LAMA2: variants seen among roughly 807,000 people sequenced by gnomAD.
The protein encoded by LAMA2 is laminin subunit alpha 2.
Under a neutral mutation model 364.8 loss-of-function variants are expected in LAMA2, and 269 were observed. The observed-to-expected ratio is 0.74, with a 90% confidence interval of 0.67 to 0.82. LAMA2 has a LOEUF of 0.82. Among genes scored for constraint, LAMA2 ranks in the 40% least tolerant of loss-of-function variants. The probability of loss-of-function intolerance (pLI) is 0.00; values close to 1 mark genes in which losing one functional copy is unlikely to be tolerated. For missense variants in LAMA2, 3,807 were observed against 3,873.2 expected (o/e 0.98, Z 0.45); for synonymous variants, 1,379 against 1,370.6 (o/e 1.01, Z -0.14).
intron 60 of LAMA2, among the ~76,000 whole-genome samples, chr6:129,503,626 C>A (rs998919600): frequency 1.3e-5 from 2 of 152,142 alleles, no homozygotes; most frequent in African/African-American, 2.4e-5. Context: ...TCGATGTATT[C>A]AATTTTAAGG....
intron 1 of LAMA2, among the ~76,000 whole-genome samples, chr6:128,957,805 A>G (rs2114584610): frequency 8.0e-6 from 1 of 124,826 alleles, no homozygotes; most frequent in African/African-American, 3.0e-5. Context: ...TATAGTTTGG[A>G]GTATTCTTCC....
At position 129,516,514 on chromosome 6, in the gene LAMA2, C is replaced by A; in HGVS notation, c.*167C>A. The A allele has an allele frequency of 1.5e-6, 1 of 667,594 alleles. No homozygotes were observed. The highest frequency in any genetic ancestry group is 1.7e-5 in the South Asian group (1 of 57,264). 41.4% of individuals were successfully genotyped at this position (667,594 alleles called of 1,614,324 possible). A position where few individuals can be genotyped will look rare whatever the true frequency, so the allele number is the denominator to read the frequency against. On this transcript the variant is annotated 3_prime_UTR_variant, in exon 65 of 65. Transcript: ENST00000421865. The stretch of plus-strand genomic sequence containing the variant: ...TCAGACTCCAGACTGAATTTTAATT[C>A]AAGTTCTTTCTCAAGTCTATAAATA...
intron 32 of LAMA2, among the ~76,000 whole-genome samples, chr6:129,356,354 C>T (rs1777152508): frequency 6.6e-6 from 1 of 151,980 alleles, no homozygotes; most frequent in Non-Finnish European, 1.5e-5. Context: ...CTCTAAAGTC[C>T]CTTTTACCAC....
chr6:128,979,266 C>G (rs182899745), intron 1 of LAMA2, among the ~76,000 whole-genome samples: 1 of 152,318 alleles, frequency 6.6e-6, no homozygotes, highest in Admixed American at 6.5e-5. Flanking sequence ...GGCATATCTC[C>G]TGATCAGATA....
At chr6:128,960,726 C>T (rs1781434455) in intron 1 of LAMA2, among the ~76,000 whole-genome samples, 1 of 151,920 alleles carries the variant, frequency 6.6e-6, no homozygotes, top group African/African-American at 2.4e-5. Flanking sequence ...ACCTCCTCAC[C>T]TTTATCTTAC....
chr6:128,920,394 A>G (rs996400536), intron 1 of LAMA2, among the ~76,000 whole-genome samples: 1 of 151,684 alleles, frequency 6.6e-6, no homozygotes, highest in African/African-American at 2.4e-5. Flanking sequence ...TCGACCTCGC[A>G]ATTCGCCCGC....
intron 29 of LAMA2, among the ~76,000 whole-genome samples, chr6:129,328,964 T>TACCCATTTCCC (rs1775463769): frequency 1.3e-5 from 2 of 152,230 alleles, no homozygotes; most frequent in South Asian, 4.1e-4. Flanking sequence ...TCCCATAATT[T>TACCCATTTCCC]ACCCATTTCC....
chr6:129,344,982 T>C (rs972338626), intron 30 of LAMA2, among the ~76,000 whole-genome samples: 25 of 152,190 alleles, frequency 1.6e-4, no homozygotes, highest in African/African-American at 5.5e-4. Context: ...TCTCCCTAAT[T>C]TGGGATATGG....
At chr6:129,333,973 T>G (rs903307876) in intron 29 of LAMA2, among the ~76,000 whole-genome samples, 2 of 152,138 alleles carry the variant, frequency 1.3e-5, no homozygotes, top group African/African-American at 4.8e-5. Context: ...AATAAATACT[T>G]CCATTAAACA....
chr6:129,455,779 T>A (rs1224183763), intron 47 of LAMA2, among the ~76,000 whole-genome samples: 3 of 152,190 alleles, frequency 2.0e-5, no homozygotes, highest in African/African-American at 7.2e-5. Flanking sequence ...ATTAGTATGC[T>A]GTGCCAAACA....
At chr6:129,107,756 G>A (rs1775916742) in intron 4 of LAMA2, among the ~76,000 whole-genome samples, 2 of 152,074 alleles carry the variant, frequency 1.3e-5, no homozygotes, top group South Asian at 4.1e-4. Flanking sequence ...ATTACAGAGA[G>A]GTCAAATAAC....
At chr6:129,346,684 T>A (rs773062902) in intron 30 of LAMA2, among the ~76,000 whole-genome samples, 2 of 152,180 alleles carry the variant, frequency 1.3e-5, no homozygotes, top group African/African-American at 2.4e-5. Flanking sequence ...CTCTTCGTAC[T>A]GGGAATATAT....
intron 34 of LAMA2, among the ~76,000 whole-genome samples, chr6:129,379,129 C>A (rs1778536202): frequency 5.9e-5 from 9 of 152,064 alleles, no homozygotes; most frequent in Admixed American, 5.9e-4. Context: ...TACTGTATGT[C>A]CCACTTATAA....
In LAMA2 at chr6:129,445,715, G is replaced by A. The variant is rs750999777; in HGVS notation, c.6323G>A (p.Arg2108Gln). 4.0e-5 allele frequency: 64 copies of A among 1,613,700 alleles called. 1 individual carries two copies. The highest frequency in any genetic ancestry group is 6.7e-5 in the East Asian group (3 of 44,856). The change falls in exon 45 of 65, where the codon CGG (arginine) becomes CAG (glutamine). Residue 2108 changes from arginine (R) to glutamine (Q), a missense_variant. Around this residue, in one of 3 missense-constraint regions of LAMA2, gnomAD observed 3,333 missense variants for 3,345.7 expected, o/e 1.00. Transcript: ENST00000421865. Reference sequence around the variant, plus strand: ...AAAAATTTAGAACAGGAAGCTGACCGGCTAATAGATAAACTCAAACCCATC... The same window carrying A: ...AAAAATTTAGAACAGGAAGCTGACCAGCTAATAGATAAACTCAAACCCATC... Reference protein sequence around the residue: ...TVKNLEQEADRLIDKLKPIKE... With the variant: ...TVKNLEQEADQLIDKLKPIKE...
At chr6:129,172,821 G>A (rs920550429) in intron 9 of LAMA2, among the ~76,000 whole-genome samples, 4 of 152,218 alleles carry the variant, frequency 2.6e-5, no homozygotes, top group East Asian at 1.9e-4. Context: ...AGCAATCAGC[G>A]AGACTCCATG....
At chr6:129,395,227 GAATAAT>G (rs1325706131) in intron 37 of LAMA2, among the ~76,000 whole-genome samples, 2 of 152,076 alleles carry the variant, frequency 1.3e-5, no homozygotes, top group Non-Finnish European at 1.5e-5. Context: ...CTATTTGATT[GAATAAT>G]AAGCTGCATT....
intron 1 of LAMA2, among the ~76,000 whole-genome samples, chr6:128,996,370 C>A (rs964539730): frequency 6.6e-6 from 1 of 152,000 alleles, no homozygotes; most frequent in African/African-American, 2.4e-5. Context: ...AAAATTTTTG[C>A]AATCTATCCA....
At position 129,445,209 on chromosome 6, in the gene LAMA2, C is replaced by CA. The variant is rs35736753; in HGVS notation, c.6275-451dup. ...TGATAGCTTCTCTCTTTAAGATGTG[C>CA]AAAAAAAGACGGTGAGAAAAAGAAA... is the stretch of plus-strand genomic sequence containing the variant. On this transcript the variant is annotated intron_variant, in intron 44 of 64. Coordinates refer to ENST00000421865, the MANE Select transcript of LAMA2 (RefSeq NM_000426.4). Among the ~76,000 whole-genome samples, 325 of 151,820 alleles carry CA rather than the reference C, an allele frequency of 2.1e-3. 2 individuals are homozygous for CA. Among genetic ancestry groups the CA allele is most frequent in the African/African-American group, 7.4e-3 (307 of 41,410 alleles).
chr6:129,011,326 C>T (rs1582868180), intron 1 of LAMA2, among the ~76,000 whole-genome samples: 1 of 152,184 alleles, frequency 6.6e-6, no homozygotes, highest in Admixed American at 6.5e-5. Context: ...GCAAACCTCA[C>T]AGCCACCAGT....
Sources: gnomAD v4.1 joint callset for allele counts (sites outside exome capture counted in the v4.1 genomes callset) on GRCh38, gnomAD v4.1.1 for gene constraint, gnomAD v4.1.1 regional missense constraint, MANE v1.5 for transcripts, NCBI Gene and HGNC (gene_info 2026-07-23, HGNC 2026-07-21) for gene names.